The following TOP2B variants were observed in gnomAD, a reference collection of about 807,000 sequenced individuals.
The protein encoded by TOP2B is DNA topoisomerase 2-beta.
Under a neutral mutation model 193.5 loss-of-function variants are expected in TOP2B, and 51 were observed. That is an observed-to-expected ratio of 0.26 (90% CI 0.21 to 0.33). The LOEUF (loss-of-function observed/expected upper bound fraction) is 0.33. Among genes scored for constraint, TOP2B ranks in the 10% least tolerant of loss-of-function variants. TOP2B has a pLI of 1.00. For synonymous variants in TOP2B, 634 were observed against 635.7 expected, an observed-to-expected ratio of 1.00 and a Z score of 0.04; for missense variants, 1,378 against 1,909.3, an observed-to-expected ratio of 0.72 and a Z score of 5.19.
chr3:25,656,238 T>G (rs1207262981), intron 1 of TOP2B, among the ~76,000 whole-genome samples: 2 of 152,172 alleles, frequency 1.3e-5, no homozygotes, highest in African/African-American at 4.8e-5. Context: ...GGGATACACA[T>G]TATTTATAGA....
At position 25,636,038 on chromosome 3, in the gene TOP2B, T is replaced by C; in HGVS notation, c.750A>G (p.Glu250=). ...GGGCCACAATATCCTTGTCAAGTTT[T>C]TCCATCTTAAATTTGGACAGATCTG... The part of the protein sequence containing the change: ...FQPDLSKFKM[E]KLDKDIVALM... The change falls in exon 7 of 36, where the codon GAA becomes GAG. Residue 250 remains glutamate (E), a synonymous_variant. Transcript: ENST00000264331. 1 of 1,613,546 alleles carries C rather than the reference T, an allele frequency of 6.2e-7. No individual in the cohort carries two copies. Among genetic ancestry groups the C allele is most frequent in the Non-Finnish European group, 8.5e-7 (1 of 1,179,592 alleles).
chr3:25,636,236 T>C, intron 6 of TOP2B, 88 bp from the exon 7 acceptor site: 1 of 808,136 alleles, frequency 1.2e-6, no homozygotes, highest in Non-Finnish European at 1.9e-6. Flanking sequence ...CATTCATTTA[T>C]CAAACTATAT....
At chr3:25,637,456 T>C in intron 5 of TOP2B, 144 bp from the exon 6 acceptor site, 1 of 607,284 alleles carries the variant, frequency 1.6e-6, no homozygotes, top group Non-Finnish European at 2.9e-6. Context: ...AGAGTATATT[T>C]AGATTTTCTT....
At chr3:25,648,348 T>G (rs979497187) in intron 1 of TOP2B, among the ~76,000 whole-genome samples, 1 of 152,102 alleles carries the variant, frequency 6.6e-6, no homozygotes, top group Non-Finnish European at 1.5e-5. Flanking sequence ...GCAAACCTCT[T>G]CAATTAAGAA....
chr3:25,623,675 C>G lies in TOP2B; in HGVS notation c.2567G>C (p.Arg856Pro). 6.2e-7 allele frequency: 1 copy of G among 1,613,682 alleles called. No homozygotes were observed. The highest frequency in any genetic ancestry group is 8.5e-7 in the Non-Finnish European group (1 of 1,179,782). The part of the protein sequence containing the change: ...LLKFLYDDNQ[R>P]VEPEWYIPII... ...AGGAATATACCACTCAGGCTCTACA[C>G]GTTGATTATCATCATAAAGGAACTT... Residue 856 changes from arginine to proline, a missense_variant, in exon 21 of 36, where the codon CGT becomes CCT. Physicochemically the swap from Arg to Pro is moderately radical, Grantham distance 103. This residue lies in a region of TOP2B where 379 missense variants were observed against 615.1 expected (regional missense o/e 0.62). Coordinates refer to ENST00000264331, the MANE Select transcript of TOP2B (RefSeq NM_001330700.2).
At chr3:25,655,898 A>G (rs76249266) in intron 1 of TOP2B, among the ~76,000 whole-genome samples, 2,648 of 152,312 alleles carry the variant, frequency 0.017, 73 homozygotes, top group African/African-American at 0.06. Context: ...ATTAGTGTTT[A>G]GTAGATATAG....
At chr3:25,660,473 T>C (rs929865914) in intron 1 of TOP2B, among the ~76,000 whole-genome samples, 8 of 152,028 alleles carry the variant, frequency 5.3e-5, no homozygotes, top group African/African-American at 1.9e-4. Context: ...AACTGGAAAA[T>C]AATAATGTGA....
intron 28 of TOP2B, among the ~76,000 whole-genome samples, chr3:25,610,145 G>A (rs1203967452): frequency 6.6e-6 from 1 of 151,326 alleles, no homozygotes; most frequent in African/African-American, 2.4e-5. Context: ...AGATTGCGGT[G>A]AGCCTCTGGC....
Position 25,619,909 on chromosome 3 carries a change from G to C in TOP2B, c.3016C>G (p.Leu1006Val). 1 of 1,613,250 alleles carries C rather than the reference G, an allele frequency of 6.2e-7. No individual in the cohort carries two copies. ...GTTTGAAGTTTAAAAACTTTATGCA[G>C]TCCAGCAGCTTCTGCTTGTGCTAGT... Reference protein sequence around the residue: ...EKLAQAEAAGLHKVFKLQTTL... With the variant: ...EKLAQAEAAGVHKVFKLQTTL... Residue 1006 changes from leucine (L) to valine (V), a missense_variant, in exon 23 of 36, where the codon CTG becomes GTG. Physicochemically the swap from Leu to Val is conservative, Grantham distance 32. Around this residue, in one of 9 missense-constraint regions of TOP2B, gnomAD observed 379 missense variants for 615.1 expected, o/e 0.62. Coordinates refer to ENST00000264331, the MANE Select transcript of TOP2B (RefSeq NM_001330700.2).
At chr3:25,656,078 T>C (rs1703736841) in intron 1 of TOP2B, among the ~76,000 whole-genome samples, 1 of 152,216 alleles carries the variant, frequency 6.6e-6, no homozygotes, top group Non-Finnish European at 1.5e-5. Flanking sequence ...TGTCTAATAT[T>C]ATTTGTAATT....
At chr3:25,599,662 G>GTGAT (rs1279072248) in intron 34 of TOP2B, 133 bp from the exon 35 acceptor site, 9 of 786,206 alleles carry the variant, frequency 1.1e-5, no homozygotes, top group Middle Eastern at 2.4e-4. Context: ...CTTACTATGA[G>GTGAT]TGATTATAAA....
intron 4 of TOP2B, among the ~76,000 whole-genome samples, chr3:25,638,773 T>C (rs766632642): frequency 2.2e-4 from 33 of 152,160 alleles, no homozygotes; most frequent in Non-Finnish European, 4.3e-4. Flanking sequence ...AAATTGGAAC[T>C]GGCTATCAAA....
In TOP2B at chr3:25,609,217, A is replaced by T. The variant is rs1378082646; in HGVS notation, c.4059T>A (p.Val1353=). ...ESDLEETEPV[V]IPRDSLLRRA... is the part of the protein sequence containing the mutation. Reference sequence around the variant, plus strand: ...TCCTAAGCAAAGAATCTCTTGGAATAACCACAGGTTCTGTTTCTTCCAAAT... The same window carrying T: ...TCCTAAGCAAAGAATCTCTTGGAATTACCACAGGTTCTGTTTCTTCCAAAT... Residue 1353 remains valine (V), a synonymous_variant, in exon 30 of 36, where the codon GTT becomes GTA. Transcript: ENST00000264331. The T allele has an allele frequency of 6.2e-7, 1 of 1,609,030 alleles. No individual in the cohort carries two copies.
In TOP2B at chr3:25,627,365, C is replaced by T. The variant is rs1207257488; in HGVS notation, c.1907-69G>A. On this transcript the variant is annotated intron_variant, in intron 15 of 35. Coordinates refer to ENST00000264331, the MANE Select transcript of TOP2B (RefSeq NM_001330700.2). Reference sequence around the variant, plus strand: ...CTGTTTAAAACCATCAAGTAAAAAGCTGGTGGAAAAGTTGTAATAGATGGA... The same window carrying T: ...CTGTTTAAAACCATCAAGTAAAAAGTTGGTGGAAAAGTTGTAATAGATGGA... The T allele has an allele frequency of 2.9e-6, 3 of 1,041,896 alleles. No homozygotes were observed. In the Admixed American group the frequency reaches 7.5e-5, roughly 26 times the overall value. 64.5% of individuals were successfully genotyped at this position (1,041,896 alleles called of 1,614,324 possible).
chr3:25,618,342 T>C (rs1702566562), intron 25 of TOP2B, 76 bp downstream of exon 25: 3 of 1,047,948 alleles, frequency 2.9e-6, no homozygotes, highest in Non-Finnish European at 4.3e-6. Context: ...ATTTAAAATT[T>C]AGGGGTTGAA....
intron 1 of TOP2B, among the ~76,000 whole-genome samples, chr3:25,650,403 G>A (rs1703552178): frequency 6.6e-6 from 1 of 152,168 alleles, no homozygotes; most frequent in Non-Finnish European, 1.5e-5. Context: ...CCACCTCTTA[G>A]TAGCCATTGC....
chr3:25,615,140 A>G (rs1448719952), intron 27 of TOP2B, 65 bp downstream of exon 27: 14 of 1,438,696 alleles, frequency 9.7e-6, no homozygotes, highest in East Asian at 2.3e-5. Context: ...GATCACTTAA[A>G]AGAATTTCAT....
intron 28 of TOP2B, among the ~76,000 whole-genome samples, chr3:25,610,818 GTTAAGAGGACCAC>G (rs1702351454): frequency 6.6e-6 from 1 of 152,144 alleles, no homozygotes; most frequent in Non-Finnish European, 1.5e-5. Context: ...GAAACAGAGA[GTTAAGAGGACCAC>G]TTTAAAGTAT....
At chr3:25,663,098 G>C (rs2164359) in intron 1 of TOP2B, among the ~76,000 whole-genome samples, 1 of 152,020 alleles carries the variant, frequency 6.6e-6, no homozygotes, top group African/African-American at 2.4e-5. Context: ...TAAGAGCATG[G>C]CAAGTTATTT....
Sources: gnomAD v4.1 joint callset for allele counts (sites outside exome capture counted in the v4.1 genomes callset) on GRCh38, gnomAD v4.1.1 for gene constraint, gnomAD v4.1.1 regional missense constraint, MANE v1.5 for transcripts, NCBI Gene and HGNC (gene_info 2026-07-23, HGNC 2026-07-21) for gene names.